Variants in SP110 observed in about 807,000 individuals in gnomAD.
SP110 encodes interferon-induced protein 41, 30kD.
SP110 carries 62 observed loss-of-function variants against 92.7 expected under a neutral mutation model. The observed-to-expected ratio is 0.67, with a 90% CI of 0.55 to 0.83. The LOEUF (loss-of-function observed/expected upper bound fraction) is 0.83. SP110 is among the 40% of genes least tolerant of loss of function. The pLI is 0.00. For missense variants in SP110, 793 were observed against 863.9 expected, an observed-to-expected ratio of 0.92 and a Z score of 1.03; for synonymous variants, 273 against 305.3, an observed-to-expected ratio of 0.89 and a Z score of 1.10.
At chr2:230,178,682 A>G (rs2041979770) in intron 12 of SP110, among the ~76,000 whole-genome samples, 1 of 152,154 alleles carries the variant, frequency 6.6e-6, no homozygotes, top group South Asian at 2.1e-4. Flanking sequence ...TGGGTGAGTG[A>G]GGTGGCTGGC....
intron 8 of SP110, among the ~76,000 whole-genome samples, chr2:230,206,595 T>TTATACATA (rs2043844605): frequency 1.4e-5 from 1 of 70,508 alleles, no homozygotes; most frequent in Non-Finnish European, 2.8e-5. Flanking sequence ...GGTCCAGATT[T>TTATACATA]TATATATATA....
intron 12 of SP110, 51 bp from the exon 13 acceptor site, chr2:230,178,306 C>G (rs992564118): frequency 9.5e-7 from 1 of 1,053,552 alleles, no homozygotes; most frequent in Non-Finnish European, 1.5e-6. Flanking sequence ...ACTCCATCTT[C>G]CTTTTGAATT....
In SP110 at chr2:230,212,876, G is replaced by T; in HGVS notation, c.468C>A (p.Val156=). The T allele has an allele frequency of 6.2e-7, 1 of 1,614,148 alleles. No homozygotes were observed. Among genetic ancestry groups the T allele is most frequent in the Non-Finnish European group, 8.5e-7 (1 of 1,180,020 alleles). ...GCTGGGAGGATGTTCCAGGCTCACT[G>T]ACTCTTGGCGCACAGGGTGAACAGC... is the stretch of plus-strand genomic sequence containing the variant. ...QPSCSPCAPR[V]SEPGTSSQQS... is the part of the protein sequence containing the mutation. Residue 156 remains valine (V), a synonymous_variant, in exon 4 of 19, where the codon GTC becomes GTA. Transcript: ENST00000258381.
chr2:230,184,321 A>C (rs2042259161), intron 11 of SP110, among the ~76,000 whole-genome samples: 1 of 152,152 alleles, frequency 6.6e-6, no homozygotes. Context: ...CTTTTTAAGG[A>C]GGAAGTAATG....
chr2:230,190,906 A>G (rs879235933), intron 10 of SP110, among the ~76,000 whole-genome samples: 3 of 151,972 alleles, frequency 2.0e-5, no homozygotes, highest in Non-Finnish European at 2.9e-5. Flanking sequence ...GTTCTGCTCC[A>G]TGGTCTATAT....
intron 12 of SP110, among the ~76,000 whole-genome samples, chr2:230,180,987 G>T (rs1028586239): frequency 1.3e-5 from 2 of 152,136 alleles, no homozygotes; most frequent in Non-Finnish European, 2.9e-5. Flanking sequence ...ACTTATTATG[G>T]TAATTAAATG....
intron 16 of SP110, 135 bp downstream of exon 16, chr2:230,171,931 T>C (rs1268232164): frequency 4.8e-6 from 4 of 841,702 alleles, no homozygotes; most frequent in Non-Finnish European, 6.2e-6. Context: ...AGACTCTGAG[T>C]TTGGGCATTA....
At chr2:230,178,108 T>A (rs1221845531) in intron 13 of SP110, 49 bp downstream of exon 13, 1 of 1,131,536 alleles carries the variant, frequency 8.8e-7, no homozygotes, top group Non-Finnish European at 1.3e-6. Flanking sequence ...TCCCTTCTAG[T>A]GAGTCCTTCA....
Position 230,177,696 on chromosome 2 carries a change from C to T in SP110, c.1448-16G>A. ...ACTGAGGATCCTGTAAGAAAAAGCC[C>T]ATTCTTGGATCTACCCCCATCCTCT... On this transcript the variant is annotated splice_polypyrimidine_tract_variant and intron_variant, in intron 13 of 18. Coordinates refer to ENST00000258381, the MANE Select transcript of SP110 (RefSeq NM_080424.4). The T allele has an allele frequency of 1.9e-6, 3 of 1,613,768 alleles. No homozygotes were observed. Among genetic ancestry groups the T allele is most frequent in the Non-Finnish European group, 2.5e-6 (3 of 1,179,844 alleles).
chr2:230,202,648 A>G lies in SP110; in HGVS notation c.979T>C (p.Cys327Arg). Residue 327 changes from cysteine to arginine, a missense_variant, in exon 9 of 19, where the codon TGT (cysteine) becomes CGT (arginine). Physicochemically the swap from Cys to Arg is radical, Grantham distance 180. Coordinates refer to ENST00000258381, the MANE Select transcript of SP110 (RefSeq NM_080424.4). ...GCCCTTGTCTCTACCGTGGAGTTAC[A>G]AGTTGAGTCATCTTTCTTTTGAGGA... ...QVPQKKDDST[C>R]NSTVETRAQK... 6.2e-7 allele frequency: 1 copy of G among 1,614,060 alleles called. No individual in the cohort carries two copies. Among genetic ancestry groups the G allele is most frequent in the African/African-American group, 1.3e-5 (1 of 75,020 alleles).
At chr2:230,207,296 T>G (rs2043974106) in intron 8 of SP110, among the ~76,000 whole-genome samples, 1 of 152,124 alleles carries the variant, frequency 6.6e-6, no homozygotes, top group Non-Finnish European at 1.5e-5. Context: ...TGCCTTTGGG[T>G]TTGTGTATGG....
At chr2:230,195,344 AG>A (rs1187658508) in intron 10 of SP110, among the ~76,000 whole-genome samples, 5 of 152,234 alleles carry the variant, frequency 3.3e-5, no homozygotes, top group Non-Finnish European at 2.9e-5. Context: ...TCATTTAAAA[AG>A]TTTTTTGGGG....
upstream of SP110, among the ~76,000 whole-genome samples, chr2:230,220,611 A>G (rs561092648): frequency 7.2e-5 from 11 of 152,330 alleles, no homozygotes; most frequent in South Asian, 2.3e-3. Flanking sequence ...GGACCTGCTG[A>G]TTCCAGAGAG....
Position 230,166,299 on chromosome 2 carries a change from C to T in SP110, c.*2825G>A, listed in dbSNP as rs191771312. Among the ~76,000 whole-genome samples the T allele has an allele frequency of 2.8e-4, 43 of 152,190 alleles. No homozygotes were observed. In the East Asian group the frequency reaches 7.9e-3, roughly 28 times the overall value. On this transcript the variant is annotated 3_prime_UTR_variant, in exon 19 of 19. Transcript: ENST00000258381. ...CAGAATATCTTCATAGCCTGAAAAC[C>T]GTAAAGAAAGCAGATAATGTGGTTA... is the stretch of plus-strand genomic sequence containing the variant.
upstream of SP110, chr2:230,221,811 CA>C: frequency 8.2e-7 from 1 of 1,223,680 alleles, no homozygotes. Context: ...CAGGCAAATG[CA>C]AAACAAACAA....
Position 230,170,631 on chromosome 2 carries a change from G to A in SP110, c.2018C>T (p.Thr673Ile), listed in dbSNP as rs765774014. Reference protein sequence around the residue: ...DMRLMFRNHKTFYKASDFGQV... With the variant: ...DMRLMFRNHKIFYKASDFGQV... ...GGAAATGCTCTTTACCTTGTAAAATGTTTTATGGTTGCGAAACATCAGGCG... is the reference window on the plus strand; with the variant it reads ...GGAAATGCTCTTTACCTTGTAAAATATTTTATGGTTGCGAAACATCAGGCG... The change falls in exon 18 of 19, where the codon ACA becomes ATA. Residue 673 changes from threonine to isoleucine, a missense_variant. Transcript: ENST00000258381. 1.2e-6 allele frequency: 2 copies of A among 1,614,164 alleles called. No homozygotes were observed. Among genetic ancestry groups the A allele is most frequent in the South Asian group, 1.1e-5 (1 of 91,082 alleles).
intron 12 of SP110, 110 bp downstream of exon 12, chr2:230,183,462 C>G (rs1005885579): frequency 1.2e-6 from 1 of 816,266 alleles, no homozygotes; most frequent in African/African-American, 1.7e-5. Flanking sequence ...CGGTGGAGAA[C>G]AACTTTGGAG....
At position 230,211,689 on chromosome 2, in the gene SP110, A is replaced by G; in HGVS notation, c.668-136T>C. 1.5e-6 allele frequency: 1 copy of G among 682,614 alleles called. No individual in the cohort carries two copies. The highest frequency in any genetic ancestry group is 1.6e-5 in the South Asian group (1 of 64,124). 42.3% of individuals were successfully genotyped at this position (682,614 alleles called of 1,614,324 possible). ...ACCAAGGCCTGGGAAAGGATGGCAT[A>G]GAGTGGGAAAGTAAGCAACCATTCA... On this transcript the variant is annotated intron_variant, in intron 5 of 18. Transcript: ENST00000258381. This position sits in a 1 kb window ranked among gnomAD's most constrained non-coding sequence, Gnocchi z 4.2.
chr2:230,172,246 T>C, intron 15 of SP110, 72 bp from the exon 16 acceptor site: 1 of 958,360 alleles, frequency 1.0e-6, no homozygotes, highest in South Asian at 1.3e-5. Flanking sequence ...TGGCTGCCAC[T>C]GTCTTCCCTC....
Sources: allele counts gnomAD v4.1 joint callset (sites outside exome capture counted in the v4.1 genomes callset), GRCh38; gene constraint gnomAD v4.1.1; non-coding constraint Gnocchi (gnomAD v3.1); transcripts MANE v1.5; gene names NCBI Gene and HGNC (gene_info 2026-07-23, HGNC 2026-07-21).